The following STK31 variants were observed in gnomAD, a reference collection of about 807,000 sequenced individuals.
The protein encoded by STK31 is serine/threonine-protein kinase 31.
In STK31, 89 loss-of-function variants were observed where a neutral mutation model predicts 129.7. The ratio of observed to expected loss-of-function variants is 0.69; its 90% CI spans 0.58 to 0.82. The LOEUF (loss-of-function observed/expected upper bound fraction) is 0.82. Ranked by LOEUF, STK31 falls within the 40% of genes least tolerant of loss-of-function variation. STK31 has a pLI of 0.00. For synonymous variants in STK31, 448 were observed against 395.3 expected (o/e 1.13, Z -1.58); for missense variants, 1,187 against 1,176.4 (o/e 1.01, Z -0.13).
intron 23 of STK31, among the ~76,000 whole-genome samples, chr7:23,831,118 G>A (rs1319779565): frequency 6.6e-6 from 1 of 152,152 alleles, no homozygotes; most frequent in Non-Finnish European, 1.5e-5. Context: ...GTTGGGTAAA[G>A]TGTTCTGTAA....
chr7:23,734,632 G>A (rs1353984435), intron 6 of STK31, among the ~76,000 whole-genome samples: 1 of 152,310 alleles, frequency 6.6e-6, no homozygotes, highest in East Asian at 1.9e-4. Context: ...CAGTTGTACA[G>A]TTGTAGCCCT....
intron 23 of STK31, among the ~76,000 whole-genome samples, chr7:23,826,071 T>C (rs1396055949): frequency 6.6e-6 from 1 of 152,192 alleles, no homozygotes; most frequent in Non-Finnish European, 1.5e-5. Context: ...GAATGTATAT[T>C]CTGTTGATTT....
At chr7:23,714,367 CTT>C (rs1172411287) in intron 3 of STK31, among the ~76,000 whole-genome samples, 9 of 152,066 alleles carry the variant, frequency 5.9e-5, no homozygotes, top group African/African-American at 2.2e-4. Context: ...TATATTTAAG[CTT>C]ATTATACAGA....
At chr7:23,796,947 AAG>A (rs1491358825) in intron 22 of STK31, among the ~76,000 whole-genome samples, 15 of 152,220 alleles carry the variant, frequency 9.9e-5, no homozygotes, top group Admixed American at 7.9e-4. Flanking sequence ...GCAAAAAAAA[AAG>A]CAGGGATTGC....
chr7:23,782,103 T>C (rs1363992960), intron 16 of STK31, among the ~76,000 whole-genome samples: 1 of 152,176 alleles, frequency 6.6e-6, no homozygotes, highest in Non-Finnish European at 1.5e-5. Context: ...ATTTTTTCTT[T>C]AAAATGGAAG....
intron 22 of STK31, among the ~76,000 whole-genome samples, chr7:23,797,768 G>A (rs562327320): frequency 6.7e-6 from 1 of 150,224 alleles, no homozygotes; most frequent in South Asian, 2.2e-4. Flanking sequence ...GATCAGGGCA[G>A]AACTGCAGGA....
intron 8 of STK31, among the ~76,000 whole-genome samples, chr7:23,751,970 G>A (rs1326385956): frequency 2.0e-5 from 3 of 151,544 alleles, no homozygotes; most frequent in Non-Finnish European, 4.4e-5. Flanking sequence ...GGGCTTGGGG[G>A]AGGGGGAGGG....
At chr7:23,739,772 T>C (rs772201761) in intron 8 of STK31, among the ~76,000 whole-genome samples, 3 of 152,206 alleles carry the variant, frequency 2.0e-5, no homozygotes, top group Non-Finnish European at 4.4e-5. Context: ...TTGTCGAAGA[T>C]CAGATGGTTG....
At chr7:23,831,535 C>G (rs1049116784) in intron 23 of STK31, among the ~76,000 whole-genome samples, 1 of 152,080 alleles carries the variant, frequency 6.6e-6, no homozygotes, top group Non-Finnish European at 1.5e-5. Context: ...CAGTCTATAT[C>G]TTTTAGGTGG....
At chr7:23,764,321 A>G (rs1459572930) in intron 11 of STK31, among the ~76,000 whole-genome samples, 1 of 152,176 alleles carries the variant, frequency 6.6e-6, no homozygotes, top group Non-Finnish European at 1.5e-5. Context: ...TTTCTTTTAA[A>G]AGTTCAATGC....
rs143737140 is a variant in STK31, at chr7:23,791,100, C to G, written c.2760+154C>G. ...AAACTATTGATATGCTTCCTATTAC[C>G]TATTGTGTACTTTCTACAAATTGGC... On this transcript the variant is annotated intron_variant, in intron 22 of 23. Coordinates refer to ENST00000355870, the MANE Select transcript of STK31 (RefSeq NM_031414.5). Among the ~76,000 whole-genome samples, 558 of 152,180 alleles carry G rather than the reference C, an allele frequency of 3.7e-3. 4 individuals are homozygous for G. The highest frequency in any genetic ancestry group is 0.013 in the African/African-American group (539 of 41,534).
rs937123600 is a variant in STK31, at chr7:23,815,074, A to G, written c.2761-70A>G. ...TCTAGTCACCAGGATCTGAAGTTCCAGAGTTGACTCTTCTATAGATTGGCG... is the reference window on the plus strand; with the variant it reads ...TCTAGTCACCAGGATCTGAAGTTCCGGAGTTGACTCTTCTATAGATTGGCG... On this transcript the variant is annotated intron_variant, in intron 22 of 23. Coordinates refer to ENST00000355870, the MANE Select transcript of STK31 (RefSeq NM_031414.5). 3 of 1,119,342 alleles carry G rather than the reference A, an allele frequency of 2.7e-6. No individual in the cohort carries two copies. In the East Asian group the frequency reaches 7.8e-5, roughly 29 times the overall value. The allele number at this position is 1,119,342 out of a possible 1,614,324, so 69.3% of individuals were successfully genotyped here.
At chr7:23,788,298 C>T (rs947001028) in intron 21 of STK31, among the ~76,000 whole-genome samples, 169 bp downstream of exon 21, 1 of 152,026 alleles carries the variant, frequency 6.6e-6, no homozygotes, top group African/African-American at 2.4e-5. Context: ...GCTAGAACAG[C>T]AGGAGTATTG....
intron 22 of STK31, among the ~76,000 whole-genome samples, chr7:23,814,238 TC>T (rs1793335112): frequency 1.4e-5 from 2 of 146,848 alleles, no homozygotes; most frequent in Non-Finnish European, 3.0e-5. Context: ...TAGTTTTTCT[TC>T]CTTTTTTAAA....
At chr7:23,774,498 A>G (rs1203702514) in intron 15 of STK31, among the ~76,000 whole-genome samples, 1 of 152,112 alleles carries the variant, frequency 6.6e-6, no homozygotes. Flanking sequence ...ATCGTATCTC[A>G]CTGTGGTTTT....
At chr7:23,778,463 T>C (rs919805253) in intron 15 of STK31, among the ~76,000 whole-genome samples, 3 of 152,220 alleles carry the variant, frequency 2.0e-5, no homozygotes, top group African/African-American at 4.8e-5. Flanking sequence ...CCTGTCACTT[T>C]CAGGTACACC....
At chr7:23,729,496 G>A (rs1458722954) in intron 6 of STK31, among the ~76,000 whole-genome samples, 4 of 151,272 alleles carry the variant, frequency 2.6e-5, no homozygotes, top group Non-Finnish European at 5.9e-5. Context: ...ATGTTTAAAA[G>A]GATAGTCTCT....
At chr7:23,713,823 T>C (rs1786125874) in intron 3 of STK31, among the ~76,000 whole-genome samples, 1 of 151,932 alleles carries the variant, frequency 6.6e-6, no homozygotes, top group African/African-American at 2.4e-5. Flanking sequence ...GTTAACTTTT[T>C]TAAATAAGTA....
At chr7:23,735,960 A>C (rs1787694407) in intron 7 of STK31, 64 bp downstream of exon 7, 11 of 1,340,930 alleles carry the variant, frequency 8.2e-6, no homozygotes, top group Non-Finnish European at 1.1e-5. Flanking sequence ...GTAGAATAGA[A>C]GTTAAGGCTT....
Sources: gnomAD v4.1 joint callset for allele counts (sites outside exome capture counted in the v4.1 genomes callset) on GRCh38, gnomAD v4.1.1 for gene constraint, MANE v1.5 for transcripts, NCBI Gene and HGNC (gene_info 2026-07-23, HGNC 2026-07-21) for gene names.